The following HAP1 variants were observed in gnomAD, a reference collection of about 807,000 sequenced individuals.
HAP1 encodes the protein huntingtin associated protein 1, also known as huntingtin-associated protein 1.
In HAP1, 59 loss-of-function variants were observed where a neutral mutation model predicts 60.3. The ratio of observed to expected loss-of-function variants is 0.98; its 90% CI spans 0.79 to 1.22. The LOEUF (loss-of-function observed/expected upper bound fraction) is 1.22, where lower values mean the gene tolerates loss of function less well. Ranked by LOEUF, HAP1 falls within the 50% of genes most tolerant of loss-of-function variation. The probability of loss-of-function intolerance (pLI) is 0.00; values close to 1 mark genes in which losing one functional copy is unlikely to be tolerated. For synonymous variants in HAP1, 346 were observed against 330.6 expected (o/e 1.05, Z -0.50); for missense variants, 825 against 785.3 (o/e 1.05, Z -0.60).
rs4461125 is a variant in HAP1 at position 41,724,428 on chromosome 17, C to G, written c.*273G>C. ...GGATAGAGGAGGCAGGGGTTGGGGG[C>G]AGGGGAAGCAAGCGGGCAGAGATGG... is the stretch of plus-strand genomic sequence containing the variant. On this transcript the variant is annotated 3_prime_UTR_variant, in exon 11 of 11. Transcript: ENST00000347901. 2.3e-4 allele frequency: 93 copies of G among 398,796 alleles called. No homozygotes were observed. Among genetic ancestry groups the G allele is most frequent in the Middle Eastern group, 7.0e-4 (1 of 1,428 alleles). The allele number at this position is 398,796 out of a possible 1,614,324, so 24.7% of individuals were successfully genotyped here. A position where few individuals can be genotyped will look rare whatever the true frequency, so the allele number is the denominator to read the frequency against.
intron 9 of HAP1, among the ~76,000 whole-genome samples, chr17:41,726,784 A>C (rs1274111073): frequency 1.3e-5 from 2 of 151,758 alleles, no homozygotes; most frequent in African/African-American, 4.8e-5. Flanking sequence ...AATTGCTTGA[A>C]CCTGGGAGGC....
chr17:41,718,011 G>A (rs1441166937), downstream of HAP1: 3 of 469,466 alleles, frequency 6.4e-6, no homozygotes, highest in Admixed American at 7.1e-5. Context: ...CCCATCTTAG[G>A]TCCTCGGCTG....
chr17:41,728,164 G>A (rs374190817), intron 7 of HAP1, 37 bp downstream of exon 7: 48 of 1,602,810 alleles, frequency 3.0e-5, no homozygotes, highest in Non-Finnish European at 3.8e-5. Context: ...GGTCCCATGG[G>A]GCCACGACAA....
chr17:41,726,032 G>A (rs1207864038), intron 9 of HAP1, 135 bp from the exon 10 acceptor site: 7 of 684,412 alleles, frequency 1.0e-5, no homozygotes, highest in Middle Eastern at 2.8e-4. Context: ...CACTTTGGGA[G>A]GCCGAGGTGG....
chr17:41,728,654 C>T (rs1203356959), intron 6 of HAP1, among the ~76,000 whole-genome samples: 1 of 152,174 alleles, frequency 6.6e-6, no homozygotes, highest in African/African-American at 2.4e-5. Flanking sequence ...ATCACAGCTA[C>T]AGCACCCAAC....
chr17:41,734,058 T>G, intron 1 of HAP1, 108 bp downstream of exon 1: 1 of 825,212 alleles, frequency 1.2e-6, no homozygotes, highest in Non-Finnish European at 1.9e-6. Flanking sequence ...GGTGGACGGG[T>G]GACACTGAGT....
At chr17:41,726,931 G>A (rs1911682974) in intron 9 of HAP1, 122 bp downstream of exon 9, 1 of 624,180 alleles carries the variant, frequency 1.6e-6, no homozygotes, top group Non-Finnish European at 2.9e-6. Flanking sequence ...GAGTGGAGGG[G>A]CTGATGCAGT....
intron 6 of HAP1, among the ~76,000 whole-genome samples, chr17:41,729,508 C>T (rs1383890809): frequency 8.6e-6 from 1 of 115,818 alleles, no homozygotes; most frequent in Non-Finnish European, 1.7e-5. Context: ...AAAGACCACA[C>T]CACTGCACTC....
At position 41,734,200 on chromosome 17, in the gene HAP1, A is replaced by G. The variant is rs1314678452; in HGVS notation, c.435T>C (p.Pro145=). The change falls in exon 1 of 11, where the codon CCT becomes CCC. Residue 145 remains proline (P), a synonymous_variant. Transcript: ENST00000347901. ...YVGRRPGVSG[P]ERAAFIRELE... ...GCTCCCGAATAAAGGCGGCGCGCTCAGGGCCGGACACCCCGGGTCGCCGGC... is the reference window on the plus strand; with the variant it reads ...GCTCCCGAATAAAGGCGGCGCGCTCGGGGCCGGACACCCCGGGTCGCCGGC... 19 of 1,590,924 alleles carry G rather than the reference A, an allele frequency of 1.2e-5. No individual in the cohort carries two copies. Among genetic ancestry groups the G allele is most frequent in the Middle Eastern group, 1.8e-4 (1 of 5,652 alleles).
rs146519122 is a variant in HAP1, at chr17:41,726,539, G to A, written c.1367+514C>T. 6.9e-3 allele frequency among the ~76,000 whole-genome samples: 1,041 copies of A among 151,062 alleles called. 7 individuals are homozygous for A. The highest frequency in any genetic ancestry group is 8.9e-3 in the Non-Finnish European group (605 of 67,734). On this transcript the variant is annotated intron_variant, in intron 9 of 10. Coordinates refer to ENST00000347901, the MANE Select transcript of HAP1 (RefSeq NM_177977.3). The stretch of plus-strand genomic sequence containing the variant: ...ATCTCGCCACTGCACTCCAGTCCAG[G>A]TGACAGAGTGAGACTCGTCTCAAAA...
At chr17:41,720,062 T>G (rs1353585978), downstream of HAP1, among the ~76,000 whole-genome samples, 4 of 151,798 alleles carry the variant, frequency 2.6e-5, no homozygotes, top group African/African-American at 9.7e-5. Context: ...GCTAATTTTT[T>G]GTATTTTTAG....
At chr17:41,717,883 T>C (rs1911044066), downstream of HAP1, 1 of 421,994 alleles carries the variant, frequency 2.4e-6, no homozygotes, top group Non-Finnish European at 5.3e-6. Flanking sequence ...CATGAGTGGC[T>C]GGTGCAGGCA....
At position 41,727,119 on chromosome 17, in the gene HAP1, G is replaced by A. The variant is rs782546957; in HGVS notation, c.1301C>T (p.Thr434Met). 4.3e-5 allele frequency: 68 copies of A among 1,593,218 alleles called. No homozygotes were observed. The highest frequency in any genetic ancestry group is 1.8e-4 in the East Asian group (8 of 44,716). Residue 434 changes from threonine (T) to methionine (M), a missense_variant, in exon 9 of 11, where the codon ACG (threonine) becomes ATG (methionine). By Grantham distance (81) the Thr-to-Met change is moderately conservative. Coordinates refer to ENST00000347901, the MANE Select transcript of HAP1 (RefSeq NM_177977.3). ...AGACGTTCTGAGCTCCTCAGCCAGC[G>A]TCTCCTGGAAACCAGGAAGAGTCTC... The part of the protein sequence containing the change: ...EEETLPGFQE[T>M]LAEELRTSLR...
intron 1 of HAP1, among the ~76,000 whole-genome samples, chr17:41,733,745 A>C (rs988660101): frequency 7.8e-4 from 118 of 151,998 alleles, no homozygotes; most frequent in Non-Finnish European, 1.5e-3. Context: ...AAGTGGGCAA[A>C]ACTTCCCCCT....
rs531702925 is a variant in HAP1, at chr17:41,724,350, C to T, written c.*351G>A. The T allele has an allele frequency of 7.6e-5, 13 of 170,404 alleles. No individual in the cohort carries two copies. The highest frequency in any genetic ancestry group is 6.0e-4 in the South Asian group (4 of 6,684). The allele number at this position is 170,404 out of a possible 1,614,324, so 10.6% of individuals were successfully genotyped here. ...TGCTCCACCATCCCACCCACCGCCC[C>T]CCGTGTTTGTTTTGACTGCTGCTGC... On this transcript the variant is annotated 3_prime_UTR_variant, in exon 11 of 11. Transcript: ENST00000347901.
chr17:41,725,986 G>A, intron 9 of HAP1, 89 bp from the exon 10 acceptor site: 1 of 981,218 alleles, frequency 1.0e-6, no homozygotes, highest in South Asian at 1.3e-5. Context: ...ACCTTAGGTA[G>A]TGGCCATGAG....
At position 41,732,232 on chromosome 17, in the gene HAP1, C is replaced by A; in HGVS notation, c.712G>T (p.Glu238Ter). 6.2e-7 allele frequency: 1 copy of A among 1,614,092 alleles called. No homozygotes were observed. The highest frequency in any genetic ancestry group is 1.1e-5 in the South Asian group (1 of 91,076). ...LEALLGSAKE[E>*]ILYLRHQVNL... Reference sequence around the variant, plus strand: ...TCCTCTCCTCCCCACCCGGTTACCTCCTCCTTGGCTGAGCCCAGCAGGGCT... The same window carrying A: ...TCCTCTCCTCCCCACCCGGTTACCTACTCCTTGGCTGAGCCCAGCAGGGCT... The change falls in exon 3 of 11, where the codon GAG becomes TAG. Residue 238 changes from glutamate to a stop codon, truncating the protein, a stop_gained and splice_region_variant. Coordinates refer to ENST00000347901, the MANE Select transcript of HAP1 (RefSeq NM_177977.3). LOFTEE classifies it high-confidence loss of function.
downstream of HAP1, among the ~76,000 whole-genome samples, chr17:41,719,255 T>C (rs1555586578): frequency 6.6e-6 from 1 of 152,106 alleles, no homozygotes; most frequent in Non-Finnish European, 1.5e-5. Context: ...TGGGATTCTC[T>C]AGGTGTGAGC....
At chr17:41,729,149 C>T (rs181317153) in intron 6 of HAP1, among the ~76,000 whole-genome samples, 2,379 of 149,252 alleles carry the variant, frequency 0.016, 34 homozygotes, top group Non-Finnish European at 0.021. Context: ...CCATGTTGGC[C>T]AGGCTGGTCT....
Sources: gnomAD v4.1 joint callset for allele counts (sites outside exome capture counted in the v4.1 genomes callset) on GRCh38, gnomAD v4.1.1 for gene constraint, MANE v1.5 for transcripts, NCBI Gene and HGNC (gene_info 2026-07-23, HGNC 2026-07-21) for gene names.